Variants in CCNB3 observed in about 807,000 individuals in gnomAD.
CCNB3 encodes G2/mitotic-specific cyclin-B3.
Under a neutral mutation model 68.0 loss-of-function variants are expected in CCNB3, and 12 were observed. That is an observed-to-expected ratio of 0.18 (90% confidence interval 0.11 to 0.29). CCNB3 has a LOEUF of 0.29. Ranked by LOEUF, CCNB3 falls within the 10% of genes least tolerant of loss-of-function variation. The pLI is 1.00. For synonymous variants in CCNB3, 354 were observed against 388.9 expected (o/e 0.91, Z 1.06); for missense variants, 904 against 993.1 (o/e 0.91, Z 1.21).
At chrX:50,343,712 A>C (rs782799960) in intron 9 of CCNB3, among the ~76,000 whole-genome samples, 32 of 111,804 alleles carry the variant, frequency 2.9e-4, no homozygotes, top group Non-Finnish European at 3.0e-4. Context: ...TCTCAAAAGA[A>C]ATTTTTTTTA....
chrX:50,215,941 C>CTTTTTTT (rs1195858030), intron 1 of CCNB3, among the ~76,000 whole-genome samples: 4 of 52,482 alleles, frequency 7.6e-5, no homozygotes, highest in South Asian at 1.1e-3. Flanking sequence ...GGGTGTGCTT[C>CTTTTTTT]TTTTTTTTTT....
At chrX:50,334,373 G>T (rs1557218496) in intron 8 of CCNB3, among the ~76,000 whole-genome samples, 1 of 112,876 alleles carries the variant, frequency 8.9e-6, no homozygotes, top group Non-Finnish European at 1.9e-5. Context: ...TTTTCACACA[G>T]CAAGCTTTGG....
intron 1 of CCNB3, among the ~76,000 whole-genome samples, chrX:50,226,833 T>TATATATAGAATATATATGGA (rs1464717522): frequency 1.4e-5 from 1 of 71,050 alleles, no homozygotes; most frequent in African/African-American, 6.5e-5. Context: ...TATACATGAA[T>TATATATAGAATATATATGGA]ATATATAGTA....
At chrX:50,318,396 C>T (rs1921847233) in intron 8 of CCNB3, among the ~76,000 whole-genome samples, 1 of 110,116 alleles carries the variant, frequency 9.1e-6, no homozygotes, top group Non-Finnish European at 1.9e-5. Flanking sequence ...ACCTGTAATC[C>T]CAGCTACTCA....
At chrX:50,225,185 G>C (rs2146990562) in intron 1 of CCNB3, among the ~76,000 whole-genome samples, 1 of 111,149 alleles carries the variant, frequency 9.0e-6, no homozygotes, top group East Asian at 2.8e-4. Flanking sequence ...AGGCCTCTCT[G>C]AAGAGGGGAC....
intron 3 of CCNB3, among the ~76,000 whole-genome samples, chrX:50,286,635 T>G (rs774561284): frequency 5.3e-5 from 5 of 94,369 alleles, no homozygotes; most frequent in East Asian, 3.6e-4. Flanking sequence ...TTTTTTTGGT[T>G]GTTGTTGTTG....
intron 8 of CCNB3, among the ~76,000 whole-genome samples, chrX:50,321,865 G>A (rs894117246): frequency 3.5e-4 from 39 of 110,588 alleles, no homozygotes; most frequent in African/African-American, 1.0e-3. Context: ...TTATAATGTC[G>A]AACTTACTAA....
intron 5 of CCNB3, among the ~76,000 whole-genome samples, chrX:50,304,886 C>G (rs1456495959): frequency 6.3e-5 from 7 of 111,788 alleles, no homozygotes; most frequent in Non-Finnish European, 1.3e-4. Context: ...TTTATGCAGC[C>G]AAAAGACACA....
intron 6 of CCNB3, 144 bp downstream of exon 6, chrX:50,311,640 A>G: frequency 2.2e-6 from 1 of 457,155 alleles, no homozygotes; most frequent in East Asian, 3.7e-5. Flanking sequence ...GTTGAGCCAT[A>G]TATAGTAAGT....
intron 1 of CCNB3, among the ~76,000 whole-genome samples, chrX:50,280,923 A>C (rs1936125126): frequency 1.8e-5 from 2 of 109,093 alleles, no homozygotes; most frequent in Non-Finnish European, 3.8e-5. Flanking sequence ...CTACGCTCCG[A>C]CTGATTTTTG....
At chrX:50,227,624 A>G (rs1226929815) in intron 1 of CCNB3, among the ~76,000 whole-genome samples, 2 of 87,243 alleles carry the variant, frequency 2.3e-5, no homozygotes, top group Non-Finnish European at 4.3e-5. Context: ...AAATATATAT[A>G]GAGAGAATAC....
intron 11 of CCNB3, 52 bp from the exon 12 acceptor site, chrX:50,351,189 G>A: frequency 1.7e-6 from 2 of 1,193,571 alleles, no homozygotes; most frequent in East Asian, 3.0e-5. Flanking sequence ...CAGAGATGGA[G>A]GAACGGTGTG....
At chrX:50,301,077 G>A (rs907177191) in intron 5 of CCNB3, among the ~76,000 whole-genome samples, 5 of 109,923 alleles carry the variant, frequency 4.5e-5, no homozygotes, top group South Asian at 3.9e-4. Context: ...CCATTGGTTC[G>A]GACTTCCTCC....
At chrX:50,336,167 C>G (rs1184164896) in intron 8 of CCNB3, among the ~76,000 whole-genome samples, 5 of 112,173 alleles carry the variant, frequency 4.5e-5, no homozygotes, top group African/African-American at 1.6e-4. Flanking sequence ...GCTCCCTTGT[C>G]TTTTTCTGAG....
rs1482729113 is a variant in CCNB3, at chrX:50,279,998, A to G, written c.-112-4544A>G. Among the ~76,000 whole-genome samples the G allele has an allele frequency of 5.3e-3, 458 of 86,245 alleles. 3 individuals carry two copies. The highest frequency in any genetic ancestry group is 0.019 in the African/African-American group (427 of 21,925). 74.9% of individuals were successfully genotyped at this position (86,245 alleles called of 115,157 possible). On this transcript the variant is annotated intron_variant, in intron 1 of 12. Transcript: ENST00000376042. The stretch of plus-strand genomic sequence containing the variant: ...ATATATGTAGAATATATGAATATAT[A>G]CATAGAATATATAAATATATAGAAT...
At chrX:50,299,261 C>G (rs181447231) in intron 5 of CCNB3, among the ~76,000 whole-genome samples, 2 of 110,752 alleles carry the variant, frequency 1.8e-5, no homozygotes, top group African/African-American at 6.6e-5. Context: ...CTTTCTCTTG[C>G]GGGCATTTAG....
intron 1 of CCNB3, among the ~76,000 whole-genome samples, chrX:50,280,172 A>C (rs1387826518): frequency 2.0e-5 from 1 of 48,883 alleles, no homozygotes; most frequent in Non-Finnish European, 4.3e-5. Context: ...ATATATATAG[A>C]ATATATATAT....
intron 9 of CCNB3, among the ~76,000 whole-genome samples, chrX:50,345,230 G>T (rs1923343510): frequency 9.3e-6 from 1 of 107,407 alleles, no homozygotes; most frequent in Admixed American, 1.0e-4. Context: ...CCTTCGTCCT[G>T]TGCCAGCTTG....
At chrX:50,332,544 G>A (rs906857570) in intron 8 of CCNB3, among the ~76,000 whole-genome samples, 2 of 111,647 alleles carry the variant, frequency 1.8e-5, no homozygotes, top group African/African-American at 6.5e-5. Flanking sequence ...TCGGCTGTGC[G>A]TAGACCAGTC....
Sources: allele counts gnomAD v4.1 joint callset (sites outside exome capture counted in the v4.1 genomes callset), GRCh38; gene constraint gnomAD v4.1.1; transcripts MANE v1.5; gene names NCBI Gene and HGNC (gene_info 2026-07-23, HGNC 2026-07-21).